The following MLLT3 variants were observed in gnomAD, a reference collection of about 807,000 sequenced individuals.
MLLT3 encodes MLLT3 super elongation complex subunit, also known as protein AF-9.
Under a neutral mutation model 53.2 loss-of-function variants are expected in MLLT3, and 4 were observed. The ratio of observed to expected loss-of-function variants is 0.08; its 90% confidence interval spans 0.04 to 0.17. The LOEUF (loss-of-function observed/expected upper bound fraction) is 0.17. MLLT3 is among the 10% of genes least tolerant of loss of function. The pLI, the probability that MLLT3 is intolerant of heterozygous loss-of-function variation, is 1.00. For synonymous variants in MLLT3, 283 were observed against 230.6 expected, an observed-to-expected ratio of 1.23 and a Z score of -2.06; for missense variants, 569 against 684.0, an observed-to-expected ratio of 0.83 and a Z score of 1.87.
intron 6 of MLLT3, among the ~76,000 whole-genome samples, 193 bp from the exon 7 acceptor site, chr9:20,363,798 A>C (rs1821383974): frequency 6.6e-6 from 1 of 152,240 alleles, no homozygotes; most frequent in South Asian, 2.1e-4. Context: ...TTGTTTTCAT[A>C]ATGGATTCCC....
chr9:20,515,096 G>A (rs965096654), intron 2 of MLLT3, among the ~76,000 whole-genome samples: 16 of 151,780 alleles, frequency 1.1e-4, no homozygotes, highest in Non-Finnish European at 1.8e-4. Context: ...ACAGGTGCCC[G>A]CCACCACGCC....
chr9:20,398,509 G>A (rs1377309188), intron 5 of MLLT3, among the ~76,000 whole-genome samples: 1 of 152,102 alleles, frequency 6.6e-6, no homozygotes, highest in African/African-American at 2.4e-5. Context: ...AGAAATTGGG[G>A]GAGTGGGGGA....
chr9:20,579,275 T>C (rs1428197153), intron 2 of MLLT3, among the ~76,000 whole-genome samples: 1 of 151,962 alleles, frequency 6.6e-6, no homozygotes, highest in African/African-American at 2.4e-5. Context: ...GGAGGCTCAA[T>C]GGGAAAATCA....
At chr9:20,409,435 G>A (rs1349149833) in intron 5 of MLLT3, among the ~76,000 whole-genome samples, 1 of 152,132 alleles carries the variant, frequency 6.6e-6, no homozygotes, top group East Asian at 1.9e-4. Context: ...ATCAATTAAA[G>A]TTTAAGCAGG....
chr9:20,440,101 G>A (rs1187952911), intron 4 of MLLT3, among the ~76,000 whole-genome samples: 6 of 152,092 alleles, frequency 3.9e-5, no homozygotes, highest in Non-Finnish European at 8.8e-5. Flanking sequence ...ATTATCTGCT[G>A]ACTACTTAAC....
chr9:20,608,770 A>G (rs901004896), intron 2 of MLLT3, among the ~76,000 whole-genome samples: 2 of 152,034 alleles, frequency 1.3e-5, no homozygotes, highest in African/African-American at 2.4e-5. Flanking sequence ...CCATACATAC[A>G]TTTAAATACT....
At chr9:20,454,834 T>A (rs781410527) in intron 3 of MLLT3, among the ~76,000 whole-genome samples, 5 of 152,010 alleles carry the variant, frequency 3.3e-5, no homozygotes, top group Non-Finnish European at 1.5e-5. Context: ...AAATTAAAAA[T>A]ACACTGAAAA....
rs1318112911 is a variant in MLLT3, at chr9:20,363,603, G to A, written c.1204C>T (p.Pro402Ser). ...AGATCTTTCATTATAGACCTCAAAG[G>A]ACCTGAGTAATGACAATGAACCACA... Reference protein sequence around the residue: ...FTPSQTRQQGPLRSIMKDLHS... With the variant: ...FTPSQTRQQGSLRSIMKDLHS... The change falls in exon 7 of 11, where the codon CCT (proline) becomes TCT (serine). Residue 402 changes from proline to serine, a missense_variant and splice_region_variant. By Grantham distance (74) the Pro-to-Ser change is moderately conservative (BLOSUM62 -1). Around this residue, in one of 5 missense-constraint regions of MLLT3, gnomAD observed 437 missense variants for 376.5 expected, o/e 1.16. Transcript: ENST00000380338. The A allele has an allele frequency of 1.9e-6, 3 of 1,613,050 alleles. No homozygotes were observed. Among genetic ancestry groups the A allele is most frequent in the Non-Finnish European group, 2.5e-6 (3 of 1,179,770 alleles).
intron 2 of MLLT3, among the ~76,000 whole-genome samples, chr9:20,497,351 T>C (rs1369543634): frequency 1.3e-5 from 2 of 152,310 alleles, no homozygotes; most frequent in East Asian, 3.9e-4. Context: ...TTGACATAAA[T>C]ATATACCCAG....
chr9:20,346,500 C>T lies in MLLT3; in HGVS notation c.1650G>A (p.Leu550=). Residue 550 remains leucine (L), a synonymous_variant, in exon 11 of 11, where the codon CTG becomes CTA. Coordinates refer to ENST00000380338, the MANE Select transcript of MLLT3 (RefSeq NM_004529.4). ...NTTFDFDLCS[L]DKTTVRKLQS... ...GTAGTTTACGGACTGTGGTTTTGTC[C>T]AGCGAGCAAAGATCAAAATCAAATG... The T allele has an allele frequency of 6.2e-7, 1 of 1,613,324 alleles. No individual in the cohort carries two copies.
chr9:20,408,106 GT>G (rs1444537658), intron 5 of MLLT3, among the ~76,000 whole-genome samples: 1 of 152,154 alleles, frequency 6.6e-6, no homozygotes, highest in Non-Finnish European at 1.5e-5. Context: ...GAAATGCTGA[GT>G]TTTGCCAATT....
chr9:20,523,376 T>G (rs961314180), intron 2 of MLLT3, among the ~76,000 whole-genome samples: 6 of 152,354 alleles, frequency 3.9e-5, no homozygotes, highest in South Asian at 2.1e-4. Flanking sequence ...TGGTATTTAC[T>G]CCAAAGGAGT....
intron 2 of MLLT3, 128 bp from the exon 3 acceptor site, chr9:20,456,914 C>G: frequency 1.6e-6 from 1 of 631,378 alleles, no homozygotes. Context: ...TGCCAAACTC[C>G]CAGTTGAGTC....
At chr9:20,521,292 A>G (rs1818051125) in intron 2 of MLLT3, among the ~76,000 whole-genome samples, 1 of 152,068 alleles carries the variant, frequency 6.6e-6, no homozygotes, top group South Asian at 2.1e-4. Flanking sequence ...TCTGGTTTCG[A>G]ACTCCTGACT....
chr9:20,591,906 A>G (rs1820139681), intron 2 of MLLT3, among the ~76,000 whole-genome samples: 1 of 152,200 alleles, frequency 6.6e-6, no homozygotes, highest in African/African-American at 2.4e-5. Flanking sequence ...GCACACTTGT[A>G]GCTAGTCACT....
chr9:20,472,287 T>G (rs2118890446), intron 2 of MLLT3, among the ~76,000 whole-genome samples: 1 of 152,118 alleles, frequency 6.6e-6, no homozygotes, highest in Admixed American at 6.5e-5. Flanking sequence ...CTGGGATAGG[T>G]TTATATTCTG....
intron 2 of MLLT3, among the ~76,000 whole-genome samples, chr9:20,463,675 T>G (rs1035644726): frequency 4.6e-5 from 7 of 152,150 alleles, no homozygotes; most frequent in African/African-American, 1.7e-4. Context: ...CAGGCTAATA[T>G]GATGGGAAAT....
intron 2 of MLLT3, among the ~76,000 whole-genome samples, chr9:20,574,909 C>T (rs368033849): frequency 1.2e-4 from 18 of 152,324 alleles, no homozygotes; most frequent in Middle Eastern, 3.4e-3. Flanking sequence ...TGATCAACCA[C>T]GTTATATGTA....
chr9:20,492,918 T>C (rs1563785168), intron 2 of MLLT3, among the ~76,000 whole-genome samples: 1 of 152,012 alleles, frequency 6.6e-6, no homozygotes, highest in Non-Finnish European at 1.5e-5. Flanking sequence ...TTTAGAGTTG[T>C]TTAGGATAGA....
Sources: gnomAD v4.1 joint callset for allele counts (sites outside exome capture counted in the v4.1 genomes callset) on GRCh38, gnomAD v4.1.1 for gene constraint, gnomAD v4.1.1 regional missense constraint, MANE v1.5 for transcripts, NCBI Gene and HGNC (gene_info 2026-07-23, HGNC 2026-07-21) for gene names.